Variants in CORO7 observed in about 807,000 individuals in gnomAD.
The protein encoded by CORO7 is coronin-7.
Under a neutral mutation model 126.6 loss-of-function variants are expected in CORO7, and 107 were observed. That is an observed-to-expected ratio of 0.85 (90% CI 0.72 to 0.99). The LOEUF (loss-of-function observed/expected upper bound fraction) is 0.99. Among genes scored for constraint, CORO7 ranks in the 50% least tolerant of loss-of-function variants. The pLI is 0.00. For missense variants in CORO7, 1,314 were observed against 1,255.8 expected, an observed-to-expected ratio of 1.05 and a Z score of -0.70; for synonymous variants, 603 against 536.8, an observed-to-expected ratio of 1.12 and a Z score of -1.70.
chr16:4,380,944 G>A lies in CORO7; in HGVS notation c.785+7042C>T, dbSNP rs1305994296. 1.3e-6 allele frequency: 2 copies of A among 1,598,392 alleles called. No homozygotes were observed. Among genetic ancestry groups the A allele is most frequent in the Admixed American group, 1.7e-5 (1 of 59,300 alleles). On this transcript the variant is annotated intron_variant, in intron 9 of 27. Coordinates refer to ENST00000251166, the MANE Select transcript of CORO7 (RefSeq NM_024535.5). ...ACTGGCCCTGGGGCCTGGGGTGCAG[G>A]GCTGCCCATCCGGCTGCCAGTGCAG...
chr16:4,404,790 C>A (rs1040321377), intron 6 of CORO7, among the ~76,000 whole-genome samples: 12 of 152,144 alleles, frequency 7.9e-5, no homozygotes, highest in African/African-American at 2.9e-4. Flanking sequence ...CTCACCTCCC[C>A]GCAGGCTGCC....
intron 9 of CORO7, chr16:4,382,619 C>T: frequency 1.9e-6 from 3 of 1,578,070 alleles, no homozygotes; most frequent in Non-Finnish European, 2.6e-6. Flanking sequence ...ATTGCGCCCG[C>T]CCTGGCCGCG....
intron 21 of CORO7, 53 bp from the exon 22 acceptor site, chr16:4,359,674 G>C: frequency 6.5e-7 from 1 of 1,540,264 alleles, no homozygotes; most frequent in South Asian, 1.3e-5. Flanking sequence ...AAGGGGCCTG[G>C]GGCAGGGAGA....
chr16:4,412,575 G>T, intron 2 of CORO7, 145 bp from the exon 3 acceptor site: 1 of 774,822 alleles, frequency 1.3e-6, no homozygotes, highest in Non-Finnish European at 2.1e-6. Context: ...TCCTCTGCAC[G>T]TAGCAATGGC....
rs1199766787 is a variant in CORO7 at position 4,354,556 on chromosome 16, A to G, written c.*602T>C. ...AGCACAAGAGGTGGCCAGCTTAAAA[A>G]AGTTTAATTGCTGAAAACATCCAAG... On this transcript the variant is annotated 3_prime_UTR_variant, in exon 28 of 28. Transcript: ENST00000251166. 1 of 152,918 alleles carries G rather than the reference A, an allele frequency of 6.5e-6. No individual in the cohort carries two copies. Among genetic ancestry groups the G allele is most frequent in the Non-Finnish European group, 1.5e-5 (1 of 68,556 alleles). The allele number at this position is 152,918 out of a possible 1,614,324, so 9.5% of individuals were successfully genotyped here.
intron 9 of CORO7, chr16:4,381,272 G>A: frequency 6.2e-7 from 1 of 1,611,722 alleles, no homozygotes; most frequent in Non-Finnish European, 8.5e-7. Flanking sequence ...CTCTACCTGG[G>A]CAAGAACCGC....
Position 4,372,517 on chromosome 16 carries a change from A to G in CORO7, c.786-6972T>C, listed in dbSNP as rs555689311. Among the ~76,000 whole-genome samples the G allele has an allele frequency of 7.9e-5, 12 of 152,234 alleles. No homozygotes were observed. The East Asian group carries it at 2.1e-3, about 27-fold the overall frequency. On this transcript the variant is annotated intron_variant, in intron 9 of 27. Transcript: ENST00000251166. The stretch of plus-strand genomic sequence containing the variant: ...AGTGGCTGGTGGGCGTCCGATGCCC[A>G]TCCCTCCAGGTGGGGGATGGACCTG...
At position 4,364,766 on chromosome 16, in the gene CORO7, C is replaced by T. The variant is rs1161831097; in HGVS notation, c.1044+9G>A. ...AGCCCCCGCAGTCCCTCGCCCAAGT[C>T]CCCCTCACCTTGCGGGGCACATGGT... On this transcript the variant is annotated intron_variant, in intron 12 of 27. Coordinates refer to ENST00000251166, the MANE Select transcript of CORO7 (RefSeq NM_024535.5). The T allele has an allele frequency of 3.1e-6, 5 of 1,608,768 alleles. No homozygotes were observed. The highest frequency in any genetic ancestry group is 1.3e-5 in the African/African-American group (1 of 74,870).
chr16:4,382,497 C>T (rs779526004), intron 9 of CORO7: 53 of 1,594,562 alleles, frequency 3.3e-5, no homozygotes, highest in South Asian at 1.5e-4. Flanking sequence ...CTTTGGGGCC[C>T]GGGCGGGTGC....
chr16:4,392,802 G>A (rs899250392), intron 7 of CORO7, among the ~76,000 whole-genome samples: 1 of 152,204 alleles, frequency 6.6e-6, no homozygotes, highest in Admixed American at 6.5e-5. Context: ...GTGGGGGGCA[G>A]GGCCACACGG....
rs749784736 is a variant in CORO7, at chr16:4,360,453, C to T, written c.2013G>A (p.Glu671=). 6.2e-7 allele frequency: 1 copy of T among 1,612,688 alleles called. No individual in the cohort carries two copies. The highest frequency in any genetic ancestry group is 1.7e-5 in the Admixed American group (1 of 59,958). The part of the protein sequence containing the change: ...VRVYRPRSGP[E]PLQEGPGPKG... ...GCCCCTGTGTGCTCACCTGCAGGGG[C>T]TCAGGGCCACTCCGGGGCCTGTAGA... Residue 671 remains glutamate (E), a synonymous_variant, in exon 20 of 28, where the codon GAG becomes GAA. Coordinates refer to ENST00000251166, the MANE Select transcript of CORO7 (RefSeq NM_024535.5).
Position 4,410,842 on chromosome 16 carries a change from T to C in CORO7, c.232+1514A>G, listed in dbSNP as rs147725573. On this transcript the variant is annotated intron_variant, in intron 3 of 27. Transcript: ENST00000251166. ...TTGTTGCAAGAAAGCAACCACAGAC[T>C]ATACATCAATGAATGGGCGTGGCAG... Among the ~76,000 whole-genome samples the C allele has an allele frequency of 9.0e-4, 137 of 152,316 alleles. 1 individual carries two copies. The highest frequency in any genetic ancestry group is 3.4e-3 in the Middle Eastern group (1 of 294).
rs1366892096 is a variant in CORO7 at position 4,360,459 on chromosome 16, G to A, written c.2007C>T (p.Gly669=). Residue 669 remains glycine (G), a synonymous_variant, in exon 20 of 28, where the codon GGC becomes GGT. Coordinates refer to ENST00000251166, the MANE Select transcript of CORO7 (RefSeq NM_024535.5). ...GTGTGCTCACCTGCAGGGGCTCAGG[G>A]CCACTCCGGGGCCTGTAGACCCGCA... ...GRVRVYRPRS[G]PEPLQEGPGP... is the part of the protein sequence containing the mutation. 6.2e-7 allele frequency: 1 copy of A among 1,612,526 alleles called. No individual in the cohort carries two copies. The highest frequency in any genetic ancestry group is 8.5e-7 in the Non-Finnish European group (1 of 1,179,716).
chr16:4,356,798 G>A (rs996769466), intron 26 of CORO7: 3 of 244,962 alleles, frequency 1.2e-5, no homozygotes, highest in Non-Finnish European at 2.4e-5. Flanking sequence ...AAGACACAAA[G>A]AAGAGACAGG....
At chr16:4,385,268 A>G (rs1443055948) in intron 9 of CORO7, among the ~76,000 whole-genome samples, 2 of 152,140 alleles carry the variant, frequency 1.3e-5, no homozygotes, top group African/African-American at 4.8e-5. Flanking sequence ...GAGTGGCCAC[A>G]GGGAGGGAAG....
In CORO7 at chr16:4,398,436, G is replaced by C. The variant is rs140483252; in HGVS notation, c.565-3097C>G. Among the ~76,000 whole-genome samples the C allele has an allele frequency of 4.7e-3, 721 of 152,300 alleles. 3 individuals are homozygous for C. Among genetic ancestry groups the C allele is most frequent in the Middle Eastern group, 0.014 (4 of 294 alleles). The stretch of plus-strand genomic sequence containing the variant: ...CCCAGCACTTTGCGAAGCCAAGGCT[G>C]GGGGGAATCACTTGCGGTAAGGAGC... On this transcript the variant is annotated intron_variant, in intron 6 of 27. Coordinates refer to ENST00000251166, the MANE Select transcript of CORO7 (RefSeq NM_024535.5).
In CORO7 at chr16:4,354,619, C is replaced by T. The variant is rs10974; in HGVS notation, c.*539G>A. 0.12 allele frequency: 18,194 copies of T among 157,270 alleles called. 1,427 individuals are homozygous for T. The highest frequency in any genetic ancestry group is 0.22 in the African/African-American group (9,003 of 41,750). 9.7% of individuals were successfully genotyped at this position (157,270 alleles called of 1,614,324 possible). A position where few individuals can be genotyped will look rare whatever the true frequency, so the allele number is the denominator to read the frequency against. On this transcript the variant is annotated 3_prime_UTR_variant, in exon 28 of 28. Transcript: ENST00000251166. ...CAGTCCCTGCGGGGCTCACACCCCC[C>T]TTATTGGACCATCAGCTCTGTGATG...
intron 23 of CORO7, among the ~76,000 whole-genome samples, 173 bp from the exon 24 acceptor site, chr16:4,358,656 G>C (rs2054060951): frequency 6.6e-6 from 1 of 152,108 alleles, no homozygotes; most frequent in African/African-American, 2.4e-5. Context: ...GGAAAGCCCT[G>C]ATTTGTGGTG....
intron 9 of CORO7, among the ~76,000 whole-genome samples, chr16:4,385,094 T>TGCA (rs2055148161): frequency 6.6e-6 from 1 of 152,098 alleles, no homozygotes; most frequent in Non-Finnish European, 1.5e-5. Flanking sequence ...CAAGCTGAGA[T>TGCA]GCAGCCTCGA....
Sources: allele counts gnomAD v4.1 joint callset (sites outside exome capture counted in the v4.1 genomes callset), GRCh38; gene constraint gnomAD v4.1.1; transcripts MANE v1.5; gene names NCBI Gene and HGNC (gene_info 2026-07-23, HGNC 2026-07-21).